APP: variants seen among roughly 807,000 people sequenced by gnomAD.
APP encodes the protein amyloid-beta precursor protein.
In APP, 31 loss-of-function variants were observed where a neutral mutation model predicts 101.4. The ratio of observed to expected loss-of-function variants is 0.31; its 90% confidence interval spans 0.23 to 0.41. The LOEUF (loss-of-function observed/expected upper bound fraction) is 0.41, where lower values mean the gene tolerates loss of function less well. Among genes scored for constraint, APP ranks in the 10% least tolerant of loss-of-function variants. The pLI, the probability that APP is intolerant of heterozygous loss-of-function variation, is 1.00. For synonymous variants in APP, 366 were observed against 364.4 expected, an observed-to-expected ratio of 1.00 and a Z score of -0.05; for missense variants, 839 against 1,003.7, an observed-to-expected ratio of 0.84 and a Z score of 2.22.
intron 16 of APP, among the ~76,000 whole-genome samples, chr21:25,896,017 T>C (rs1300758824): frequency 1.3e-5 from 2 of 152,242 alleles, no homozygotes; most frequent in African/African-American, 4.8e-5. Flanking sequence ...GATGGGCTTA[T>C]ATGACACAGG....
intron 13 of APP, among the ~76,000 whole-genome samples, chr21:25,947,784 C>G (rs191697713): frequency 1.2e-3 from 179 of 152,106 alleles, no homozygotes; most frequent in Non-Finnish European, 2.1e-3. Context: ...GGGCAGACCA[C>G]CTGAGATCAG....
chr21:26,170,871 A>T, upstream of APP: 4 of 401,880 alleles, frequency 1.0e-5, no homozygotes, highest in Non-Finnish European at 1.3e-5. Flanking sequence ...GCCGCCGGGG[A>T]ACTGCGCCCG....
chr21:25,941,262 C>T (rs963819181), intron 13 of APP: 5 of 152,156 alleles, frequency 3.3e-5, no homozygotes, highest in African/African-American at 1.2e-4. Context: ...AAGTCAGACT[C>T]ATGAAGGAGA....
intron 17 of APP, among the ~76,000 whole-genome samples, chr21:25,889,255 A>G (rs1439088258): frequency 6.6e-6 from 1 of 152,210 alleles, no homozygotes; most frequent in African/African-American, 2.4e-5. Context: ...GTGTCCTTGT[A>G]GGAAGAGGTT....
intron 6 of APP, among the ~76,000 whole-genome samples, chr21:26,016,036 A>ATTTT (rs758572910): frequency 6.9e-6 from 1 of 145,012 alleles, no homozygotes; most frequent in African/African-American, 2.5e-5. Context: ...TCATTTTTCT[A>ATTTT]TTTTTTTTTT....
intron 16 of APP, among the ~76,000 whole-genome samples, chr21:25,896,867 G>A (rs2038084358): frequency 6.6e-6 from 1 of 152,176 alleles, no homozygotes. Flanking sequence ...GGAATGAAAA[G>A]AAAGAGCTGG....
chr21:25,941,178 G>GT (rs1218539952), intron 13 of APP: 3 of 152,204 alleles, frequency 2.0e-5, no homozygotes, highest in African/African-American at 7.2e-5. Flanking sequence ...GATTGGGGAT[G>GT]GGCATTATAG....
At chr21:26,007,249 A>G (rs2043570565) in intron 6 of APP, among the ~76,000 whole-genome samples, 1 of 151,380 alleles carries the variant, frequency 6.6e-6, no homozygotes, top group Non-Finnish European at 1.5e-5. Context: ...TATTTTTGTA[A>G]TAAGTTACTT....
chr21:26,078,719 G>C (rs1297801772), intron 3 of APP, among the ~76,000 whole-genome samples: 1 of 152,148 alleles, frequency 6.6e-6, no homozygotes, highest in African/African-American at 2.4e-5. Flanking sequence ...CAGCTGTCTG[G>C]AAAGTTATTT....
At chr21:25,936,690 TCCAGCCTC>T (rs2040378170) in intron 13 of APP, among the ~76,000 whole-genome samples, 1 of 152,198 alleles carries the variant, frequency 6.6e-6, no homozygotes, top group Non-Finnish European at 1.5e-5. Flanking sequence ...ATCTTGGACT[TCCAGCCTC>T]CAGAAGCATG....
At chr21:25,903,849 T>C in intron 15 of APP, among the ~76,000 whole-genome samples, 1 of 152,204 alleles carries the variant, frequency 6.6e-6, no homozygotes, top group East Asian at 1.9e-4. Flanking sequence ...TCAAGACGTG[T>C]CACACTACTG....
At chr21:26,100,635 T>C (rs191471771) in intron 2 of APP, among the ~76,000 whole-genome samples, 39 of 152,294 alleles carry the variant, frequency 2.6e-4, no homozygotes, top group African/African-American at 9.4e-4. Context: ...AGTTATGTAT[T>C]TTAGAGGAGA....
At chr21:25,944,695 C>T (rs572977568) in intron 13 of APP, among the ~76,000 whole-genome samples, 3 of 152,272 alleles carry the variant, frequency 2.0e-5, no homozygotes, top group Admixed American at 1.3e-4. Flanking sequence ...GGGTGGCAAA[C>T]ATCACTGATT....
At chr21:26,159,670 C>A (rs1485256059) in intron 1 of APP, among the ~76,000 whole-genome samples, 1 of 152,182 alleles carries the variant, frequency 6.6e-6, no homozygotes, top group Non-Finnish European at 1.5e-5. Flanking sequence ...ATAATAAATT[C>A]TAAGAATGCA....
intron 11 of APP, among the ~76,000 whole-genome samples, chr21:25,971,110 C>A (rs2042015836): frequency 6.6e-6 from 1 of 151,924 alleles, no homozygotes; most frequent in African/African-American, 2.4e-5. Context: ...TGCAGTGGCA[C>A]AATCTCGGCT....
intron 6 of APP, among the ~76,000 whole-genome samples, chr21:26,019,285 T>C (rs1440133771): frequency 6.6e-6 from 1 of 152,256 alleles, no homozygotes; most frequent in African/African-American, 2.4e-5. Flanking sequence ...ACATCTGCTC[T>C]AGCTTAAATT....
chr21:26,018,308 G>A (rs1239359840), intron 6 of APP, among the ~76,000 whole-genome samples: 1 of 152,182 alleles, frequency 6.6e-6, no homozygotes, highest in East Asian at 1.9e-4. Flanking sequence ...CACTAACACT[G>A]AAAACAAGAT....
chr21:25,946,103 G>C (rs2409160), intron 13 of APP: 88,774 of 295,680 alleles, frequency 0.3, 16,115 homozygotes, highest in African/African-American at 0.59. Context: ...TTAACTGTAA[G>C]AGCTAAAACT....
chr21:26,161,914 ATTT>A (rs141093900), intron 1 of APP, among the ~76,000 whole-genome samples: 81 of 150,560 alleles, frequency 5.4e-4, no homozygotes, highest in African/African-American at 1.8e-3. Flanking sequence ...GTAGATGAGG[ATTT>A]TTTTTTTGAA....
Sources: gnomAD v4.1 joint callset for allele counts (sites outside exome capture counted in the v4.1 genomes callset) on GRCh38, gnomAD v4.1.1 for gene constraint, MANE v1.5 for transcripts, NCBI Gene and HGNC (gene_info 2026-07-23, HGNC 2026-07-21) for gene names.